MARCHF1: variants seen among roughly 807,000 people sequenced by gnomAD.
The protein encoded by MARCHF1 is membrane associated ring-CH-type finger 1.
Under a neutral mutation model 54.2 loss-of-function variants are expected in MARCHF1, and 40 were observed. That is an observed-to-expected ratio of 0.74 (90% CI 0.57 to 0.96). The LOEUF (loss-of-function observed/expected upper bound fraction) is 0.96. MARCHF1 is among the 40% of genes least tolerant of loss of function. MARCHF1 has a pLI of 0.00. For synonymous variants in MARCHF1, 236 were observed against 236.3 expected (o/e 1.00, Z 0.01); for missense variants, 586 against 656.5 (o/e 0.89, Z 1.17).
intron 9 of MARCHF1, among the ~76,000 whole-genome samples, chr4:163,533,496 A>C (rs1738424782): frequency 6.6e-6 from 1 of 151,832 alleles, no homozygotes; most frequent in Non-Finnish European, 1.5e-5. Flanking sequence ...CAATGTAACT[A>C]TGAACTTTAA....
intron 1 of MARCHF1, among the ~76,000 whole-genome samples, chr4:164,220,077 T>C (rs1732047788): frequency 6.6e-6 from 1 of 151,846 alleles, no homozygotes; most frequent in South Asian, 2.1e-4. Context: ...ACAAATGGAC[T>C]ATCTAAATCC....
At chr4:163,784,732 A>T (rs183077026) in intron 4 of MARCHF1, among the ~76,000 whole-genome samples, 15 of 152,320 alleles carry the variant, frequency 9.8e-5, no homozygotes, top group Admixed American at 4.6e-4. Context: ...AACAGTAATC[A>T]TTAAATGCTT....
chr4:164,142,822 G>T (rs1185035669), intron 1 of MARCHF1, among the ~76,000 whole-genome samples: 1 of 152,158 alleles, frequency 6.6e-6, no homozygotes, highest in Non-Finnish European at 1.5e-5. Context: ...GCTGGACGGA[G>T]AATGACTTTG....
intron 4 of MARCHF1, among the ~76,000 whole-genome samples, chr4:163,840,558 C>A (rs189749123): frequency 6.6e-6 from 1 of 151,790 alleles, no homozygotes; most frequent in Non-Finnish European, 1.5e-5. Flanking sequence ...CCCTTGAAAA[C>A]GAGAAGGCAG....
intron 1 of MARCHF1, among the ~76,000 whole-genome samples, chr4:164,274,753 T>C (rs1205388762): frequency 3.0e-5 from 4 of 135,534 alleles, no homozygotes; most frequent in Admixed American, 8.6e-5. Context: ...CTCAGCTCAC[T>C]GCAAGCTCCG....
At chr4:164,095,878 ACAGT>A (rs1226721115) in intron 2 of MARCHF1, among the ~76,000 whole-genome samples, 1 of 152,130 alleles carries the variant, frequency 6.6e-6, no homozygotes, top group Admixed American at 6.6e-5. Context: ...ACCATCTCAC[ACAGT>A]CAGAATAGCT....
chr4:164,008,602 A>C (rs1753346760), intron 2 of MARCHF1, among the ~76,000 whole-genome samples: 1 of 152,082 alleles, frequency 6.6e-6, no homozygotes, highest in Non-Finnish European at 1.5e-5. Flanking sequence ...AAGTCTGAAC[A>C]AATAAAAAAA....
At chr4:163,712,674 G>A (rs1011920514) in intron 4 of MARCHF1, among the ~76,000 whole-genome samples, 1 of 152,062 alleles carries the variant, frequency 6.6e-6, no homozygotes, top group African/African-American at 2.4e-5. Context: ...ATACATTCTG[G>A]TTCTATAAAA....
Position 163,786,869 on chromosome 4 carries a change from G to T in MARCHF1, c.111+67152C>A, listed in dbSNP as rs374404735. 2.6e-5 allele frequency among the ~76,000 whole-genome samples: 4 copies of T among 152,036 alleles called. No homozygotes were observed. The East Asian group carries it at 7.7e-4, about 29-fold the overall frequency. ...AATCACCAGGAATCCATACAATGTG[G>T]TACTGGCATAAATGCAGATATATAG... On this transcript the variant is annotated intron_variant, in intron 4 of 9. Transcript: ENST00000514618.
chr4:164,034,068 C>CAGATAGACAGAT (rs1553971733), intron 2 of MARCHF1, among the ~76,000 whole-genome samples: 1 of 110,064 alleles, frequency 9.1e-6, no homozygotes, highest in African/African-American at 2.8e-5. Context: ...ATGTGATAGA[C>CAGATAGACAGAT]AGATAGATAG....
At chr4:164,236,335 A>C (rs1732552096) in intron 1 of MARCHF1, among the ~76,000 whole-genome samples, 1 of 152,122 alleles carries the variant, frequency 6.6e-6, no homozygotes, top group Non-Finnish European at 1.5e-5. Context: ...TATTTAAAAT[A>C]TGCTGCTGAC....
intron 5 of MARCHF1, among the ~76,000 whole-genome samples, chr4:163,644,482 C>G (rs56912416): frequency 6.6e-6 from 1 of 152,164 alleles, no homozygotes; most frequent in Admixed American, 6.5e-5. Flanking sequence ...GTTCTGTTAA[C>G]GCAAGGACCC....
intron 1 of MARCHF1, among the ~76,000 whole-genome samples, chr4:164,202,299 A>C (rs372098244): frequency 9.1e-4 from 139 of 152,314 alleles, no homozygotes; most frequent in Middle Eastern, 3.4e-3. Flanking sequence ...GACATAATCT[A>C]TACCAAAACC....
intron 8 of MARCHF1, among the ~76,000 whole-genome samples, chr4:163,551,053 A>G (rs1022442177): frequency 2.6e-5 from 4 of 152,222 alleles, no homozygotes; most frequent in African/African-American, 9.6e-5. Flanking sequence ...TATCAGAAGT[A>G]GTACTTGTCA....
At chr4:164,089,383 C>T (rs1309454315) in intron 2 of MARCHF1, among the ~76,000 whole-genome samples, 1 of 152,078 alleles carries the variant, frequency 6.6e-6, no homozygotes. Context: ...AAATTGTGCA[C>T]TTCAAAATTT....
intron 2 of MARCHF1, among the ~76,000 whole-genome samples, chr4:164,038,083 G>C (rs1191680476): frequency 6.6e-6 from 1 of 152,070 alleles, no homozygotes; most frequent in Non-Finnish European, 1.5e-5. Context: ...TCAATATCTT[G>C]GTTGTGATGT....
chr4:163,685,615 A>C (rs907482622), intron 5 of MARCHF1, among the ~76,000 whole-genome samples: 1 of 151,850 alleles, frequency 6.6e-6, no homozygotes, highest in Non-Finnish European at 1.5e-5. Flanking sequence ...CCACCACCCC[A>C]GGCTAATTTT....
intron 3 of MARCHF1, among the ~76,000 whole-genome samples, chr4:163,949,675 T>G (rs1299898411): frequency 6.6e-6 from 1 of 151,778 alleles, no homozygotes; most frequent in Non-Finnish European, 1.5e-5. Flanking sequence ...TCCAGGCTGG[T>G]TGTCCTGATG....
chr4:163,821,357 A>T (rs977546561), intron 4 of MARCHF1, among the ~76,000 whole-genome samples: 2 of 151,976 alleles, frequency 1.3e-5, no homozygotes, highest in African/African-American at 4.8e-5. Context: ...ATGAATGGCC[A>T]TCTCTCCAAT....
Sources: allele counts gnomAD v4.1 joint callset (sites outside exome capture counted in the v4.1 genomes callset), GRCh38; gene constraint gnomAD v4.1.1; transcripts MANE v1.5; gene names NCBI Gene and HGNC (gene_info 2026-07-23, HGNC 2026-07-21).